Variants in NPIPB11 observed in about 807,000 individuals in gnomAD.
NPIPB11 encodes nuclear pore complex interacting protein family member B11, also known as nuclear pore complex-interacting protein family member B11.
Under a neutral mutation model 32.8 loss-of-function variants are expected in NPIPB11, and 17 were observed. The observed-to-expected ratio is 0.52, with a 90% CI of 0.35 to 0.78. The LOEUF is 0.78. Ranked by LOEUF, NPIPB11 falls within the 30% of genes least tolerant of loss-of-function variation. The pLI is 0.01. For synonymous variants in NPIPB11, 209 were observed against 398.4 expected (o/e 0.52, Z 5.66); for missense variants, 537 against 1,000.4 (o/e 0.54, Z 6.25).
intron 2 of NPIPB11, among the ~76,000 whole-genome samples, chr16:29,400,097 C>A (rs1325623765): frequency 6.6e-6 from 1 of 151,610 alleles, no homozygotes; most frequent in Non-Finnish European, 1.5e-5. Context: ...AAAAGAAGCC[C>A]TCGGATTTCG....
chr16:29,397,240 T>C (rs1277728221), intron 2 of NPIPB11, among the ~76,000 whole-genome samples: 1 of 132,294 alleles, frequency 7.6e-6, no homozygotes, highest in Non-Finnish European at 1.5e-5. Flanking sequence ...TGGTCCACTT[T>C]GTTTGTTAGA....
exon 3 of NPIPB11, chr16:29,393,978 A>C: frequency 6.3e-7 from 1 of 1,599,430 alleles, no homozygotes; most frequent in South Asian, 1.1e-5. Context: ...GGGTAATGAC[A>C]ACTTTATAAC....
At chr16:29,399,484 A>G in intron 2 of NPIPB11, among the ~76,000 whole-genome samples, 2 of 146,214 alleles carry the variant, frequency 1.4e-5, no homozygotes, top group African/African-American at 2.5e-5. Flanking sequence ...GGTGGATCAC[A>G]AGGTCAGGAG....
chr16:29,383,327 A>T lies in NPIPB11; in HGVS notation c.1605T>A (p.Asp535Glu), dbSNP rs372788579. Reference sequence around the variant, plus strand: ...GCTCGGCAGTTGTCTTGATATTATCATCTGCTGAGGGTGGAGCTGAGGGTG... The same window carrying T: ...GCTCGGCAGTTGTCTTGATATTATCTTCTGCTGAGGGTGGAGCTGAGGGTG... The change falls in exon 8 of 8, where the codon GAT becomes GAA. Residue 535 changes from aspartate to glutamate, a missense_variant. Transcript: ENST00000524087. 1,928 of 1,518,320 alleles carry T rather than the reference A, an allele frequency of 1.3e-3. 53 individuals carry two copies. In the East Asian group the frequency reaches 0.02, roughly 16 times the overall value. The allele number at this position is 1,518,320 out of a possible 1,614,324, so 94.1% of individuals were successfully genotyped here.
At chr16:29,394,670 G>A (rs887652596) in intron 2 of NPIPB11, among the ~76,000 whole-genome samples, 9 of 152,100 alleles carry the variant, frequency 5.9e-5, no homozygotes, top group Admixed American at 2.0e-4. Context: ...CCTGACAGGC[G>A]ATCTGCCTGC....
intron 2 of NPIPB11, among the ~76,000 whole-genome samples, chr16:29,402,061 C>G (rs1964004931): frequency 6.6e-6 from 1 of 151,556 alleles, no homozygotes; most frequent in Admixed American, 6.6e-5. Context: ...AGCTCTGCCT[C>G]TTATTGACTG....
intron 3 of NPIPB11, among the ~76,000 whole-genome samples, chr16:29,391,638 T>C (rs1452699759): frequency 6.6e-6 from 1 of 152,132 alleles, no homozygotes; most frequent in Non-Finnish European, 1.5e-5. Context: ...AGACATTAAA[T>C]ATTTCTTCTC....
intron 2 of NPIPB11, among the ~76,000 whole-genome samples, chr16:29,395,973 G>T (rs1343211477): frequency 1.3e-5 from 2 of 149,208 alleles, no homozygotes; most frequent in African/African-American, 4.9e-5. Flanking sequence ...GCGAGACTCT[G>T]TCTCAAAAAA....
chr16:29,401,983 T>A (rs1291983802), intron 2 of NPIPB11, among the ~76,000 whole-genome samples: 1 of 151,256 alleles, frequency 6.6e-6, no homozygotes, highest in Non-Finnish European at 1.5e-5. Flanking sequence ...TACCCCACAC[T>A]CTGTGATGCA....
chr16:29,399,617 G>C (rs1391199919), intron 2 of NPIPB11, among the ~76,000 whole-genome samples: 1 of 151,824 alleles, frequency 6.6e-6, no homozygotes, highest in Non-Finnish European at 1.5e-5. Flanking sequence ...AGAATAGTTT[G>C]AACCCAGGAG....
At chr16:29,395,940 T>A (rs924673827) in intron 2 of NPIPB11, among the ~76,000 whole-genome samples, 32 of 150,330 alleles carry the variant, frequency 2.1e-4, no homozygotes, top group Admixed American at 4.6e-4. Context: ...ATTGCACCAC[T>A]GCACTTCAGC....
intron 3 of NPIPB11, 61 bp from the exon 4 acceptor site, chr16:29,390,409 T>C: frequency 1.3e-6 from 2 of 1,594,616 alleles, no homozygotes; most frequent in South Asian, 1.1e-5. Flanking sequence ...ATAATCCCAG[T>C]ACTTCGGGAA....
exon 8 of NPIPB11, chr16:29,383,228 A>T: frequency 6.4e-7 from 1 of 1,559,792 alleles, no homozygotes; most frequent in Non-Finnish European, 8.7e-7. Flanking sequence ...CTGAGGGTGG[A>T]AGGGGAGTGA....
At chr16:29,401,698 G>A (rs890188568) in intron 2 of NPIPB11, among the ~76,000 whole-genome samples, 2 of 152,132 alleles carry the variant, frequency 1.3e-5, no homozygotes, top group African/African-American at 4.8e-5. Context: ...AGATGTGAGT[G>A]GAAGTGAAGT....
In NPIPB11 at chr16:29,382,298, C is replaced by T. The variant is rs779836855; in HGVS notation, c.2634G>A (p.Pro878=). 26 of 1,594,986 alleles carry T rather than the reference C, an allele frequency of 1.6e-5. No homozygotes were observed. The Middle Eastern group carries it at 6.8e-4, about 42-fold the overall frequency. Residue 878 remains proline (P), a synonymous_variant, in exon 8 of 8, where the codon CCG becomes CCA. Coordinates refer to ENST00000524087, the Ensembl canonical transcript of NPIPB11. ...CCCACAGACGCTCCCCGCAGACGCT[C>T]GGCAGGTGTCTTGATATTATCATCT...
At chr16:29,391,683 G>A (rs1963726193) in intron 3 of NPIPB11, among the ~76,000 whole-genome samples, 1 of 152,072 alleles carries the variant, frequency 6.6e-6, no homozygotes, top group Admixed American at 6.6e-5. Context: ...TCCCATCTCA[G>A]ATGTCGGTCA....
chr16:29,402,635 G>A (rs199874712), intron 2 of NPIPB11, among the ~76,000 whole-genome samples: 5,421 of 137,680 alleles, frequency 0.039, 258 homozygotes, highest in African/African-American at 0.11. Flanking sequence ...CCCGGGAGAC[G>A]GAGGTTGCAG....
chr16:29,402,698 G>GTCTCTCTCTCTCTC (rs762980727), intron 2 of NPIPB11, among the ~76,000 whole-genome samples: 5 of 118,840 alleles, frequency 4.2e-5, no homozygotes, highest in Non-Finnish European at 6.9e-5. Flanking sequence ...GTGAAACTCT[G>GTCTCTCTCTCTCTC]TCTCTCTCTC....
At chr16:29,398,747 T>C (rs1291346663) in intron 2 of NPIPB11, among the ~76,000 whole-genome samples, 2 of 149,732 alleles carry the variant, frequency 1.3e-5, no homozygotes, top group Non-Finnish European at 3.0e-5. Flanking sequence ...TGAAACAAGA[T>C]TGCCTTTCAA....
Sources: gnomAD v4.1 joint callset for allele counts (sites outside exome capture counted in the v4.1 genomes callset) on GRCh38, gnomAD v4.1.1 for gene constraint, MANE v1.5 for transcripts, NCBI Gene and HGNC (gene_info 2026-07-23, HGNC 2026-07-21) for gene names.